The following RDX variants were observed in gnomAD, a reference collection of about 807,000 sequenced individuals.
RDX encodes the protein radixin.
Under a neutral mutation model 83.7 loss-of-function variants are expected in RDX, and 32 were observed. The observed-to-expected ratio is 0.38, with a 90% confidence interval of 0.29 to 0.51. The LOEUF is 0.51. Ranked by LOEUF, RDX falls within the 20% of genes least tolerant of loss-of-function variation. The pLI is 0.87. For missense variants in RDX, 600 were observed against 689.9 expected (o/e 0.87, Z 1.46); for synonymous variants, 229 against 222.7 (o/e 1.03, Z -0.25).
chr11:110,184,546 G>T (rs1474468842), intron 15 of RDX, among the ~76,000 whole-genome samples: 1 of 152,230 alleles, frequency 6.6e-6, no homozygotes, highest in East Asian at 1.9e-4. Context: ...GAAATCGGCA[G>T]AGGGAAGAAG....
chr11:110,242,756 T>G (rs1865151636), intron 10 of RDX, among the ~76,000 whole-genome samples: 1 of 152,190 alleles, frequency 6.6e-6, no homozygotes, highest in African/African-American at 2.4e-5. Flanking sequence ...AAAGGAAGCT[T>G]TTTAACAGTC....
intron 14 of RDX, among the ~76,000 whole-genome samples, chr11:110,223,452 CGA>C (rs1555034870): frequency 1.3e-5 from 2 of 151,996 alleles, no homozygotes; most frequent in Non-Finnish European, 2.9e-5. Flanking sequence ...TCGCTTGAAC[CGA>C]GAGGTGAAAG....
chr11:110,285,215 G>C (rs1184817894), intron 1 of RDX, among the ~76,000 whole-genome samples: 1 of 150,002 alleles, frequency 6.7e-6, no homozygotes, highest in Non-Finnish European at 1.5e-5. Context: ...AGTGAAACCC[G>C]GTCTCTACTA....
At chr11:110,194,116 C>T (rs1333448742) in intron 15 of RDX, among the ~76,000 whole-genome samples, 2 of 152,232 alleles carry the variant, frequency 1.3e-5, no homozygotes, top group African/African-American at 2.4e-5. Flanking sequence ...AGAGTAAGAA[C>T]AGATGTGGCA....
chr11:110,180,963 G>C (rs1862875671), intron 15 of RDX, among the ~76,000 whole-genome samples: 1 of 151,956 alleles, frequency 6.6e-6, no homozygotes, highest in Non-Finnish European at 1.5e-5. Flanking sequence ...CCCGGTCCTG[G>C]GACACACACT....
intron 15 of RDX, among the ~76,000 whole-genome samples, chr11:110,189,109 C>T (rs1401905317): frequency 6.6e-6 from 1 of 151,552 alleles, no homozygotes; most frequent in African/African-American, 2.4e-5. Context: ...TTCAAGAGAC[C>T]CACTGACATT....
intron 11 of RDX, among the ~76,000 whole-genome samples, chr11:110,237,195 C>G (rs1864890474): frequency 6.7e-6 from 1 of 150,372 alleles, no homozygotes; most frequent in Non-Finnish European, 1.5e-5. Context: ...CAAAAGACGC[C>G]AACTGACTTA....
intron 1 of RDX, among the ~76,000 whole-genome samples, chr11:110,286,455 G>C (rs971124957): frequency 5.9e-5 from 9 of 152,276 alleles, no homozygotes; most frequent in African/African-American, 2.2e-4. Flanking sequence ...TGGAAAAATA[G>C]CCTCATGCTC....
At chr11:110,238,184 C>A (rs1359148894) in intron 10 of RDX, among the ~76,000 whole-genome samples, 1 of 152,012 alleles carries the variant, frequency 6.6e-6, no homozygotes, top group East Asian at 1.9e-4. Context: ...TATTTACTGA[C>A]CCCAAAATAG....
Position 110,237,285 on chromosome 11 carries a change from A to T in RDX, c.1251+207T>A, listed in dbSNP as rs1020512508. Among the ~76,000 whole-genome samples the T allele has an allele frequency of 3.3e-5, 5 of 152,130 alleles. No homozygotes were observed. The South Asian group carries it at 1.0e-3, about 32-fold the overall frequency. On this transcript the variant is annotated intron_variant, in intron 11 of 13. Coordinates refer to ENST00000645495, the MANE Select transcript of RDX (RefSeq NM_002906.4). ...TCCATTTACAAATAATCTATAGAAA[A>T]ATGCCTTATTCTTTTGTATTTTTAG...
chr11:110,216,540 T>C (rs1025154194), intron 14 of RDX, among the ~76,000 whole-genome samples: 1 of 122,482 alleles, frequency 8.2e-6, no homozygotes, highest in Admixed American at 8.1e-5. Flanking sequence ...CAATTTTTTT[T>C]CTTTTTTTTT....
intron 1 of RDX, among the ~76,000 whole-genome samples, chr11:110,295,960 A>G (rs1388335655): frequency 6.6e-6 from 1 of 152,348 alleles, no homozygotes; most frequent in East Asian, 1.9e-4. Flanking sequence ...CTAGTAATTT[A>G]ACACCCCTCC....
At chr11:110,253,336 C>T (rs909535466) in intron 9 of RDX, among the ~76,000 whole-genome samples, 3 of 152,020 alleles carry the variant, frequency 2.0e-5, no homozygotes, top group Non-Finnish European at 2.9e-5. Flanking sequence ...TCAAGTAAAG[C>T]ACAAAGTTGA....
chr11:110,271,892 C>T (rs1396843073), intron 3 of RDX, among the ~76,000 whole-genome samples: 1 of 152,114 alleles, frequency 6.6e-6, no homozygotes, highest in Non-Finnish European at 1.5e-5. Flanking sequence ...AATCTGAAAC[C>T]TCTTCAGTAC....
At chr11:110,244,335 C>CCTGGGG (rs1421806928) in intron 10 of RDX, among the ~76,000 whole-genome samples, 1 of 116,446 alleles carries the variant, frequency 8.6e-6, no homozygotes, top group Non-Finnish European at 1.6e-5. Context: ...TGCACTCCAA[C>CCTGGGG]CTGGGGCAAC....
chr11:110,235,944 G>A (rs765529761), intron 12 of RDX, among the ~76,000 whole-genome samples, 155 bp downstream of exon 12: 1 of 152,170 alleles, frequency 6.6e-6, no homozygotes, highest in Non-Finnish European at 1.5e-5. Flanking sequence ...AAAGTACTTG[G>A]TTTATATCTG....
chr11:110,250,906 T>C (rs1213980656), intron 9 of RDX, among the ~76,000 whole-genome samples: 1 of 152,244 alleles, frequency 6.6e-6, no homozygotes, highest in African/African-American at 2.4e-5. Context: ...TACTCAGTGA[T>C]ATCTAGTTTT....
intron 10 of RDX, among the ~76,000 whole-genome samples, chr11:110,245,266 T>A (rs1314104713): frequency 3.3e-5 from 5 of 152,158 alleles, no homozygotes; most frequent in African/African-American, 1.2e-4. Flanking sequence ...TTTTTGTTTT[T>A]TAAAAAATAA....
At chr11:110,268,099 A>G (rs1185792385) in intron 3 of RDX, among the ~76,000 whole-genome samples, 1 of 152,110 alleles carries the variant, frequency 6.6e-6, no homozygotes, top group African/African-American at 2.4e-5. Flanking sequence ...CACAAGGTCA[A>G]GAGTTCAAAA....
Sources: gnomAD v4.1 joint callset for allele counts (sites outside exome capture counted in the v4.1 genomes callset) on GRCh38, gnomAD v4.1.1 for gene constraint, MANE v1.5 for transcripts, NCBI Gene and HGNC (gene_info 2026-07-23, HGNC 2026-07-21) for gene names.